Variants in STPG3 observed in about 807,000 individuals in gnomAD.
The protein encoded by STPG3 is protein STPG3.
In STPG3, 39 loss-of-function variants were observed where a neutral mutation model predicts 32.5. The observed-to-expected ratio is 1.20, with a 90% confidence interval of 0.93 to 1.57. STPG3 has a LOEUF of 1.57. Among genes scored for constraint, STPG3 ranks in the 40% most tolerant of loss-of-function variants. STPG3 has a pLI of 0.00. For missense variants in STPG3, 507 were observed against 407.6 expected, an observed-to-expected ratio of 1.24 and a Z score of -2.10; for synonymous variants, 209 against 172.4, an observed-to-expected ratio of 1.21 and a Z score of -1.66.
In STPG3 at chr9:137,253,144, G is replaced by T. The variant is rs771648593; in HGVS notation, c.826G>T (p.Val276Leu). The T allele has an allele frequency of 6.3e-7, 1 of 1,592,168 alleles. No homozygotes were observed. Among genetic ancestry groups the T allele is most frequent in the Non-Finnish European group, 8.6e-7 (1 of 1,167,016 alleles). The change falls in exon 6 of 6, where the codon GTG becomes TTG. Residue 276 changes from valine to leucine, a missense_variant. Val to Leu is a conservative substitution (Grantham distance 32). Transcript: ENST00000412566. ...SRTPGPAAYH[V>L]EDCNSRFPSA... Reference sequence around the variant, plus strand: ...AACCCCTGGCCCAGCCGCCTACCACGTGGAGGACTGCAACTCACGCTTCCC... The same window carrying T: ...AACCCCTGGCCCAGCCGCCTACCACTTGGAGGACTGCAACTCACGCTTCCC...
chr9:137,251,425 G>C (rs755777446), intron 1 of STPG3, 29 bp downstream of exon 1: 1 of 1,540,718 alleles, frequency 6.5e-7, no homozygotes. Flanking sequence ...GAGAAGGGGC[G>C]GGCCAGCTGG....
intron 3 of STPG3, 21 bp from the exon 4 acceptor site, chr9:137,252,416 C>A: frequency 6.2e-7 from 1 of 1,603,834 alleles, no homozygotes. Context: ...AGCCTTCTCT[C>A]TCTCCATCCT....
Position 137,252,431 on chromosome 9 carries a change from C to G in STPG3, c.404-6C>G. On this transcript the variant is annotated splice_polypyrimidine_tract_variant and splice_region_variant and intron_variant, in intron 3 of 5. Coordinates refer to ENST00000412566, the MANE Select transcript of STPG3 (RefSeq NM_001004353.4). ...AGCCTTCTCTCTCTCCATCCTCCAA[C>G]TACAGAGGGCGGTGGCCGCAGGGCA... 6.2e-7 allele frequency: 1 copy of G among 1,609,048 alleles called. No individual in the cohort carries two copies. The highest frequency in any genetic ancestry group is 8.5e-7 in the Non-Finnish European group (1 of 1,177,956).
intron 3 of STPG3, 100 bp downstream of exon 3, chr9:137,252,235 C>G (rs1376198827): frequency 2.0e-6 from 3 of 1,484,016 alleles, no homozygotes; most frequent in Non-Finnish European, 2.7e-6. Context: ...CCTGAGGGCC[C>G]CTCCACCCTT....
At chr9:137,251,587 G>A (rs1284083143) in intron 1 of STPG3, 151 bp from the exon 2 acceptor site, 43 of 1,074,678 alleles carry the variant, frequency 4.0e-5, no homozygotes, top group Admixed American at 1.2e-4. Context: ...GGCTGGGAGC[G>A]GCCAGGGGCT....
Position 137,252,695 on chromosome 9 carries a change from C to G in STPG3, c.526C>G (p.Arg176Gly). The G allele has an allele frequency of 6.4e-7, 1 of 1,551,338 alleles. No individual in the cohort carries two copies. Among genetic ancestry groups the G allele is most frequent in the Non-Finnish European group, 8.7e-7 (1 of 1,147,762 alleles). The change falls in exon 5 of 6, where the codon CGG (arginine) becomes GGG (glycine). Residue 176 changes from arginine (R) to glycine (G), a missense_variant. By Grantham distance (125) the Arg-to-Gly change is moderately radical (BLOSUM62 -2). Coordinates refer to ENST00000412566, the MANE Select transcript of STPG3 (RefSeq NM_001004353.4). Reference protein sequence around the residue: ...PSPAHYQLLSRPAFPAFSFRG... With the variant: ...PSPAHYQLLSGPAFPAFSFRG... ...GCCAGCCCACTACCAGCTGCTCAGCCGGCCCGCCTTCCCCGCCTTCAGCTT... is the reference window on the plus strand; with the variant it reads ...GCCAGCCCACTACCAGCTGCTCAGCGGGCCCGCCTTCCCCGCCTTCAGCTT...
chr9:137,252,134 A>AG lies in STPG3; in HGVS notation c.403+1dup. 1 of 1,608,008 alleles carries AG rather than the reference A, an allele frequency of 6.2e-7. No homozygotes were observed. The highest frequency in any genetic ancestry group is 8.5e-7 in the Non-Finnish European group (1 of 1,178,012). On this transcript the variant is annotated frameshift_variant and splice_region_variant, in exon 3 of 6. Transcript: ENST00000412566. LOFTEE classifies it high-confidence loss of function. ...GCATCGGCTGCAAGCACCAGGGCCG[A>AG]GGTGTGTGTCCCCTCCCTGAGGCCC...
rs959848393 is a variant in STPG3 at position 137,253,346 on chromosome 9, G to A, written c.*101G>A. On this transcript the variant is annotated 3_prime_UTR_variant, in exon 6 of 6. Coordinates refer to ENST00000412566, the MANE Select transcript of STPG3 (RefSeq NM_001004353.4). The stretch of plus-strand genomic sequence containing the variant: ...CCCTGGGACTTGGGGCCCCAGCCTG[G>A]CCTTCTGACCCTCTGGGCACCCCGA... The A allele has an allele frequency of 3.9e-6, 6 of 1,544,940 alleles. No homozygotes were observed. The highest frequency in any genetic ancestry group is 5.2e-6 in the Non-Finnish European group (6 of 1,146,128).
intron 5 of STPG3, 34 bp downstream of exon 5, chr9:137,252,999 G>A (rs757711891): frequency 3.2e-6 from 5 of 1,562,624 alleles, no homozygotes; most frequent in Non-Finnish European, 3.5e-6. Flanking sequence ...GGCTAGGGAT[G>A]GGGCATGGGT....
In STPG3 at chr9:137,252,650, A is replaced by G; in HGVS notation, c.493-12A>G. On this transcript the variant is annotated splice_polypyrimidine_tract_variant and intron_variant, in intron 4 of 5. Transcript: ENST00000412566. The stretch of plus-strand genomic sequence containing the variant: ...CACCCTGCCCTGCAGCCCGTCTCCT[A>G]CCCCCTCGCAGTGGCCCTCGCCAGC... 6.5e-7 allele frequency: 1 copy of G among 1,535,246 alleles called. No homozygotes were observed. The highest frequency in any genetic ancestry group is 8.8e-7 in the Non-Finnish European group (1 of 1,136,704).
intron 1 of STPG3, 89 bp from the exon 2 acceptor site, chr9:137,251,649 G>T: frequency 6.8e-7 from 1 of 1,474,936 alleles, no homozygotes; most frequent in Non-Finnish European, 9.1e-7. Context: ...AGCAGCCGGG[G>T]GCTGAGGGAC....
Position 137,251,964 on chromosome 9 carries a change from A to AAGGAGC in STPG3, c.269-36_269-31dup, listed in dbSNP as rs1473481812. The AAGGAGC allele has an allele frequency of 1.2e-5, 20 of 1,601,066 alleles. No individual in the cohort carries two copies. The African/African-American group carries it at 2.4e-4, about 19-fold the overall frequency. ...GGGGGCTGTGGGAGGGGCCCGCTGA[A>AAGGAGC]AGGAGCCCAGGCCCAGAGCTTGCTT... On this transcript the variant is annotated intron_variant, in intron 2 of 5. Coordinates refer to ENST00000412566, the MANE Select transcript of STPG3 (RefSeq NM_001004353.4).
chr9:137,251,829 C>G lies in STPG3; in HGVS notation c.202C>G (p.Leu68Val). 3.1e-5 allele frequency: 49 copies of G among 1,606,242 alleles called. No homozygotes were observed. The highest frequency in any genetic ancestry group is 4.2e-5 in the Non-Finnish European group (49 of 1,176,474). Residue 68 changes from leucine to valine, a missense_variant, in exon 2 of 6, where the codon CTC (leucine) becomes GTC (valine). Transcript: ENST00000412566. ...PPKMKEIPVG[L>V]RLQTGTPQES... ...AAAGATGAAGGAGATCCCAGTTGGC[C>G]TCAGGTTACAGACGGGCACCCCCCA...
rs1234002592 is a variant in STPG3, at chr9:137,252,898, G to A, written c.729G>A (p.Leu243=). ...ACAATATCCTTCCTGGGAGCCGCCT[G>A]CAGAGCCCCCGCTCGCCGGCCTTCT... ...NTYNILPGSR[L]QSPRSPAFSM... is the part of the protein sequence containing the mutation. Residue 243 remains leucine (L), a synonymous_variant, in exon 5 of 6, where the codon CTG becomes CTA. Transcript: ENST00000412566. 1.9e-6 allele frequency: 3 copies of A among 1,597,564 alleles called. No individual in the cohort carries two copies. The Admixed American group carries it at 5.2e-5, about 28-fold the overall frequency.
chr9:137,252,380 G>C (rs940747522), intron 3 of STPG3, 57 bp from the exon 4 acceptor site: 35 of 1,543,218 alleles, frequency 2.3e-5, no homozygotes, highest in Non-Finnish European at 3.1e-5. Context: ...GGTTCGAGTG[G>C]GGACTGTCAC....
At chr9:137,252,593 C>G in intron 4 of STPG3, 68 bp downstream of exon 4, 1 of 1,435,988 alleles carries the variant, frequency 7.0e-7, no homozygotes, top group Non-Finnish European at 9.3e-7. Context: ...CCAGTGGGGC[C>G]AAAGGGGGGC....
intron 1 of STPG3, 138 bp downstream of exon 1, chr9:137,251,534 G>A: frequency 2.1e-6 from 2 of 960,018 alleles, no homozygotes; most frequent in Non-Finnish European, 3.1e-6. Flanking sequence ...GGGGCAGGCG[G>A]CTGGGAGCGG....
In STPG3 at chr9:137,252,884, C is replaced by T. The variant is rs1837430121; in HGVS notation, c.715C>T (p.Pro239Ser). ...TGGCCCCAACACCTACAATATCCTT[C>T]CTGGGAGCCGCCTGCAGAGCCCCCG... Reference protein sequence around the residue: ...CPGPNTYNILPGSRLQSPRSP... With the variant: ...CPGPNTYNILSGSRLQSPRSP... Residue 239 changes from proline (P) to serine (S), a missense_variant, in exon 5 of 6, where the codon CCT becomes TCT. Physicochemically the swap from Pro to Ser is moderately conservative, Grantham distance 74. Transcript: ENST00000412566. 6.3e-7 allele frequency: 1 copy of T among 1,593,890 alleles called. No homozygotes were observed. The highest frequency in any genetic ancestry group is 8.5e-7 in the Non-Finnish European group (1 of 1,171,106).
rs1837437994 is a variant in STPG3, at chr9:137,252,975, C to T, written c.796+10C>T. On this transcript the variant is annotated intron_variant, in intron 5 of 5. Transcript: ENST00000412566. ...TCCTGGCTCAGCACCTGTAAGGAGGCCTGGAGAGAAGAGGGCTAGGGATGG... is the reference window on the plus strand; with the variant it reads ...TCCTGGCTCAGCACCTGTAAGGAGGTCTGGAGAGAAGAGGGCTAGGGATGG... 7 of 1,588,750 alleles carry T rather than the reference C, an allele frequency of 4.4e-6. No homozygotes were observed. In the East Asian group the frequency reaches 1.6e-4, roughly 36 times the overall value.
Sources: gnomAD v4.1 joint callset for allele counts on GRCh38, gnomAD v4.1.1 for gene constraint, MANE v1.5 for transcripts, NCBI Gene and HGNC (gene_info 2026-07-23, HGNC 2026-07-21) for gene names.